SAMD12: variants seen among roughly 807,000 people sequenced by gnomAD.
The protein encoded by SAMD12 is sterile alpha motif domain containing 12, also known as sterile alpha motif domain-containing protein 12.
A neutral mutation model predicts 15.0 loss-of-function variants in SAMD12; 9 were observed. The observed-to-expected ratio is 0.60, with a 90% CI of 0.36 to 1.05. The LOEUF is 1.05. SAMD12 is among the 50% of genes least tolerant of loss of function. The pLI is 0.01. For synonymous variants in SAMD12, 86 were observed against 90.1 expected (o/e 0.96, Z 0.25); for missense variants, 230 against 234.2 (o/e 0.98, Z 0.12).
chr8:118,278,785 T>G (rs1813533267), intron 4 of SAMD12, among the ~76,000 whole-genome samples: 1 of 152,204 alleles, frequency 6.6e-6, no homozygotes, highest in African/African-American at 2.4e-5. Flanking sequence ...TTTTGAGGCT[T>G]CATACATGAT....
the SAMD12 span, among the ~76,000 whole-genome samples, chr8:118,150,947 C>A: frequency 3.9e-5 from 6 of 152,096 alleles, no homozygotes; most frequent in Non-Finnish European, 5.9e-5. Context: ...ATGGCACACA[C>A]CTGTAGTCCT....
intron 4 of SAMD12, among the ~76,000 whole-genome samples, chr8:118,316,081 C>T (rs1257676355): frequency 6.6e-6 from 1 of 152,134 alleles, no homozygotes; most frequent in African/African-American, 2.4e-5. Context: ...TTCTAGAACT[C>T]TCTCACATGC....
chr8:118,373,267 A>T (rs1819200606), downstream of SAMD12, among the ~76,000 whole-genome samples: 1 of 152,160 alleles, frequency 6.6e-6, no homozygotes, highest in South Asian at 2.1e-4. Flanking sequence ...ACTAGGAACA[A>T]ACCTCTAATC....
downstream of SAMD12, among the ~76,000 whole-genome samples, chr8:118,189,137 A>C (rs1402554923): frequency 1.3e-5 from 2 of 152,062 alleles, no homozygotes; most frequent in East Asian, 3.9e-4. Context: ...AGAGAATTGC[A>C]TCTATCGTCC....
At chr8:118,500,238 C>A (rs1412631831) in intron 2 of SAMD12, among the ~76,000 whole-genome samples, 2 of 151,696 alleles carry the variant, frequency 1.3e-5, no homozygotes, top group African/African-American at 2.4e-5. Flanking sequence ...GCCACTACAC[C>A]CAGCTCATTT....
intron 4 of SAMD12, among the ~76,000 whole-genome samples, chr8:118,309,613 T>A (rs1442594811): frequency 6.6e-6 from 1 of 152,208 alleles, no homozygotes; most frequent in Non-Finnish European, 1.5e-5. Flanking sequence ...CTTAAAGGAT[T>A]ATTCCTAAGT....
intron 2 of SAMD12, among the ~76,000 whole-genome samples, chr8:118,525,913 A>G (rs901527232): frequency 6.6e-6 from 1 of 152,210 alleles, no homozygotes; most frequent in Non-Finnish European, 1.5e-5. Context: ...GCACATCTGT[A>G]ATGTCACCCA....
chr8:118,169,365 T>C, the SAMD12 span, among the ~76,000 whole-genome samples: 4 of 152,218 alleles, frequency 2.6e-5, no homozygotes, highest in African/African-American at 2.4e-5. Context: ...GTTCTCCTCC[T>C]GGCTTAGTTT....
chr8:118,504,989 G>A (rs533002913), intron 2 of SAMD12, among the ~76,000 whole-genome samples: 2 of 152,294 alleles, frequency 1.3e-5, no homozygotes, highest in East Asian at 1.9e-4. Context: ...AGGATGATCT[G>A]GCCAGACATT....
At chr8:118,163,772 G>A in the SAMD12 span, among the ~76,000 whole-genome samples, 1 of 152,134 alleles carries the variant, frequency 6.6e-6, no homozygotes, top group African/African-American at 2.4e-5. Flanking sequence ...CTACTCAGGA[G>A]GCTGAGGCGG....
At chr8:118,350,421 T>A (rs1817903516) in intron 4 of SAMD12, among the ~76,000 whole-genome samples, 1 of 152,230 alleles carries the variant, frequency 6.6e-6, no homozygotes, top group African/African-American at 2.4e-5. Context: ...TATAGTCAGG[T>A]AGACCTGAGG....
chr8:118,407,937 C>T (rs146065039), intron 3 of SAMD12, among the ~76,000 whole-genome samples: 1 of 152,252 alleles, frequency 6.6e-6, no homozygotes, highest in African/African-American at 2.4e-5. Flanking sequence ...ACTACCCACC[C>T]CCATAGCCAT....
intron 2 of SAMD12, among the ~76,000 whole-genome samples, chr8:118,560,635 G>A (rs933045545): frequency 6.6e-6 from 1 of 152,154 alleles, no homozygotes; most frequent in Non-Finnish European, 1.5e-5. Flanking sequence ...AAGAGAGCAT[G>A]TACAATTATA....
At chr8:118,578,415 C>G (rs1453022818) in intron 2 of SAMD12, among the ~76,000 whole-genome samples, 1 of 152,130 alleles carries the variant, frequency 6.6e-6, no homozygotes, top group Non-Finnish European at 1.5e-5. Flanking sequence ...ATTTTGATAA[C>G]TATTATCAAG....
intron 4 of SAMD12, among the ~76,000 whole-genome samples, chr8:118,298,264 T>C (rs1209930678): frequency 6.6e-6 from 1 of 152,240 alleles, no homozygotes; most frequent in African/African-American, 2.4e-5. Flanking sequence ...TAAACAACTT[T>C]ATGCATTGTG....
intron 3 of SAMD12, among the ~76,000 whole-genome samples, chr8:118,425,020 G>A (rs955521541): frequency 6.6e-6 from 1 of 150,664 alleles, no homozygotes; most frequent in Non-Finnish European, 1.5e-5. Context: ...CTCATTGCAA[G>A]CTCTGCCTCC....
chr8:118,262,800 A>T (rs2130071176), intron 4 of SAMD12, among the ~76,000 whole-genome samples: 1 of 152,234 alleles, frequency 6.6e-6, no homozygotes, highest in East Asian at 1.9e-4. Flanking sequence ...GGTAGGTAAT[A>T]ATCGTTGGAA....
At chr8:118,311,860 T>G (rs568605151) in intron 4 of SAMD12, among the ~76,000 whole-genome samples, 1 of 152,316 alleles carries the variant, frequency 6.6e-6, no homozygotes, top group Admixed American at 6.5e-5. Context: ...ATTAATTCCC[T>G]TAAACACCTC....
At chr8:118,296,958 G>A (rs952767508) in intron 4 of SAMD12, among the ~76,000 whole-genome samples, 2 of 152,114 alleles carry the variant, frequency 1.3e-5, no homozygotes, top group Non-Finnish European at 2.9e-5. Flanking sequence ...TGACATTCTG[G>A]TCTAAAACAT....
Sources: allele counts gnomAD v4.1 joint callset (sites outside exome capture counted in the v4.1 genomes callset), GRCh38; gene constraint gnomAD v4.1.1; transcripts MANE v1.5; gene names NCBI Gene and HGNC (gene_info 2026-07-23, HGNC 2026-07-21).